Variants in MYOM1 observed in about 807,000 individuals in gnomAD.
MYOM1 encodes myomesin-1.
In MYOM1, 164 loss-of-function variants were observed where a neutral mutation model predicts 205.3. The ratio of observed to expected loss-of-function variants is 0.80; its 90% CI spans 0.70 to 0.91. The LOEUF is 0.91. Ranked by LOEUF, MYOM1 falls within the 40% of genes least tolerant of loss-of-function variation. MYOM1 has a pLI of 0.00. For missense variants in MYOM1, 2,011 were observed against 2,127.3 expected (o/e 0.95, Z 1.08); for synonymous variants, 772 against 789.4 (o/e 0.98, Z 0.37).
At chr18:3,068,952 G>T (rs1427482122) in intron 37 of MYOM1, among the ~76,000 whole-genome samples, 1 of 151,910 alleles carries the variant, frequency 6.6e-6, no homozygotes, top group Non-Finnish European at 1.5e-5. Flanking sequence ...TAAAAAAATA[G>T]AGAATAGAGA....
chr18:3,181,683 C>T (rs1375140583), intron 5 of MYOM1, among the ~76,000 whole-genome samples: 12 of 150,450 alleles, frequency 8.0e-5, no homozygotes, highest in African/African-American at 2.9e-4. Context: ...CTTAATGACA[C>T]ATTTCTTTAA....
chr18:3,244,925 A>G, the MYOM1 span, among the ~76,000 whole-genome samples: 1 of 151,202 alleles, frequency 6.6e-6, no homozygotes, highest in Admixed American at 6.6e-5. Flanking sequence ...AAAAGTAAAA[A>G]AATAAAAATA....
intron 5 of MYOM1, among the ~76,000 whole-genome samples, chr18:3,177,999 T>C (rs1363628928): frequency 2.0e-5 from 3 of 152,172 alleles, no homozygotes; most frequent in Admixed American, 6.5e-5. Flanking sequence ...GACCCTGTCT[T>C]CTGGGTCTGT....
In MYOM1 at chr18:3,104,021, AT is replaced by A. The variant is rs1361073531; in HGVS notation, c.3419-1392del. On this transcript the variant is annotated intron_variant, in intron 22 of 37. Coordinates refer to ENST00000356443, the MANE Select transcript of MYOM1 (RefSeq NM_003803.4). ...GTTACATAAAGTGAAATAACAATCAATTAAAGGCTTAAGTATTCCTTAATTG... is the reference window on the plus strand; with the variant it reads ...GTTACATAAAGTGAAATAACAATCAATAAAGGCTTAAGTATTCCTTAATTG... Among the ~76,000 whole-genome samples the A allele has an allele frequency of 1.2e-4, 18 of 152,276 alleles. 1 individual carries two copies. The highest frequency in any genetic ancestry group is 8.5e-4 in the Admixed American group (13 of 15,286).
At chr18:3,155,409 A>G (rs1269388898) in intron 10 of MYOM1, among the ~76,000 whole-genome samples, 2 of 152,192 alleles carry the variant, frequency 1.3e-5, no homozygotes, top group Non-Finnish European at 2.9e-5. Flanking sequence ...TATTTTTGGT[A>G]GAGATGGGGT....
chr18:3,098,520 A>G (rs2079335728), intron 25 of MYOM1, among the ~76,000 whole-genome samples: 1 of 151,758 alleles, frequency 6.6e-6, no homozygotes, highest in Non-Finnish European at 1.5e-5. Context: ...CTCATGATCC[A>G]CCCACCTTGG....
intron 12 of MYOM1, among the ~76,000 whole-genome samples, chr18:3,149,523 G>C (rs561788627): frequency 6.6e-6 from 1 of 152,274 alleles, no homozygotes; most frequent in East Asian, 1.9e-4. Flanking sequence ...GAACAGGTAG[G>C]CTTGCTCATC....
chr18:3,088,197 G>C (rs2079177952), intron 29 of MYOM1, among the ~76,000 whole-genome samples: 1 of 152,176 alleles, frequency 6.6e-6, no homozygotes, highest in Non-Finnish European at 1.5e-5. Context: ...GGTGCAGAGG[G>C]AAACAGCAAG....
intron 10 of MYOM1, among the ~76,000 whole-genome samples, chr18:3,158,602 T>C (rs1000665974): frequency 6.6e-6 from 1 of 152,170 alleles, no homozygotes; most frequent in Admixed American, 6.6e-5. Flanking sequence ...AACAATCTCA[T>C]TTCAATTTTC....
In MYOM1 at chr18:3,135,393, A is replaced by C. The variant is rs2079941652; in HGVS notation, c.2209+154T>G. 1.7e-6 allele frequency: 1 copy of C among 586,020 alleles called. No homozygotes were observed. Among genetic ancestry groups the C allele is most frequent in the South Asian group, 3.8e-5 (1 of 26,350 alleles). The allele number at this position is 586,020 out of a possible 1,614,324, so 36.3% of individuals were successfully genotyped here. A position where few individuals can be genotyped will look rare whatever the true frequency, so the allele number is the denominator to read the frequency against. On this transcript the variant is annotated intron_variant, in intron 15 of 37. Transcript: ENST00000356443. The surrounding 1 kb of genome is among the most constrained non-coding windows in gnomAD (Gnocchi z 4.1). Reference sequence around the variant, plus strand: ...TACTTTTCATAAACAAAAATAATGAATTTTTGTTTAATGTATAGGTTAAGT... The same window carrying C: ...TACTTTTCATAAACAAAAATAATGACTTTTTGTTTAATGTATAGGTTAAGT...
chr18:3,106,511 C>T (rs778514447), intron 22 of MYOM1, among the ~76,000 whole-genome samples: 5 of 152,142 alleles, frequency 3.3e-5, no homozygotes, highest in Non-Finnish European at 7.3e-5. Flanking sequence ...CAAAGTCTTA[C>T]ATTAAAAATT....
At chr18:3,171,009 C>A (rs1442275816) in intron 8 of MYOM1, among the ~76,000 whole-genome samples, 1 of 152,040 alleles carries the variant, frequency 6.6e-6, no homozygotes, top group Non-Finnish European at 1.5e-5. Context: ...CATTTAATAC[C>A]CCATATTAAC....
the MYOM1 span, among the ~76,000 whole-genome samples, chr18:3,231,902 A>G: frequency 6.6e-6 from 1 of 151,260 alleles, no homozygotes; most frequent in Non-Finnish European, 1.5e-5. Flanking sequence ...CTTGCAATCA[A>G]ACAAGCCAAA....
rs186472139 is a variant in MYOM1 at position 3,096,108 on chromosome 18, T to G, written c.3728-1802A>C. Among the ~76,000 whole-genome samples, 600 of 152,254 alleles carry G rather than the reference T, an allele frequency of 3.9e-3. 4 individuals carry two copies. The highest frequency in any genetic ancestry group is 0.014 in the African/African-American group (574 of 41,546). ...CATCGTCTGGGGAATGCTGGCCGCCTTGAATGTCCACAGTGGGCACGGAGC... is the reference window on the plus strand; with the variant it reads ...CATCGTCTGGGGAATGCTGGCCGCCGTGAATGTCCACAGTGGGCACGGAGC... On this transcript the variant is annotated intron_variant, in intron 25 of 37. Coordinates refer to ENST00000356443, the MANE Select transcript of MYOM1 (RefSeq NM_003803.4).
chr18:3,236,224 A>C, the MYOM1 span, among the ~76,000 whole-genome samples: 7 of 152,328 alleles, frequency 4.6e-5, no homozygotes, highest in South Asian at 1.0e-3. Context: ...TTTATAGTTA[A>C]AGGATTACTC....
At chr18:3,225,208 C>T in the MYOM1 span, among the ~76,000 whole-genome samples, 8 of 146,666 alleles carry the variant, frequency 5.5e-5, no homozygotes, top group Non-Finnish European at 1.1e-4. Flanking sequence ...AGGATGGTCT[C>T]GATCTCCTGA....
intron 19 of MYOM1, among the ~76,000 whole-genome samples, chr18:3,122,091 C>A (rs773492645): frequency 6.6e-5 from 10 of 151,946 alleles, no homozygotes; most frequent in Non-Finnish European, 1.5e-4. Flanking sequence ...TGTACTCCAG[C>A]CTCAGGGACA....
chr18:3,136,193 A>G (rs1033104817), intron 14 of MYOM1, among the ~76,000 whole-genome samples: 7 of 152,280 alleles, frequency 4.6e-5, no homozygotes, highest in South Asian at 4.1e-4. Context: ...CCCCAGCCAC[A>G]TGGAACTGTG....
At chr18:3,195,829 AGTAAATCACAGGCGCT>A (rs1275764113) in intron 2 of MYOM1, among the ~76,000 whole-genome samples, 1 of 152,106 alleles carries the variant, frequency 6.6e-6, no homozygotes, top group Admixed American at 6.5e-5. Context: ...CATTCTCACA[AGTAAATCACAGGCGCT>A]GCTTTTTTTT....
Sources: allele counts gnomAD v4.1 joint callset (sites outside exome capture counted in the v4.1 genomes callset), GRCh38; gene constraint gnomAD v4.1.1; non-coding constraint Gnocchi (gnomAD v3.1); transcripts MANE v1.5; gene names NCBI Gene and HGNC (gene_info 2026-07-23, HGNC 2026-07-21).